PROS1: variants seen among roughly 807,000 people sequenced by gnomAD.
PROS1 encodes protein S.
Under a neutral mutation model 75.9 loss-of-function variants are expected in PROS1, and 29 were observed. That is an observed-to-expected ratio of 0.38 (90% confidence interval 0.28 to 0.52). PROS1 has a LOEUF of 0.52. PROS1 is among the 20% of genes least tolerant of loss of function. The pLI is 0.83. For missense variants in PROS1, 680 were observed against 810.3 expected (o/e 0.84, Z 1.95); for synonymous variants, 245 against 280.6 (o/e 0.87, Z 1.27).
At chr3:93,934,817 A>G (rs965536442) in intron 1 of PROS1, among the ~76,000 whole-genome samples, 1 of 152,182 alleles carries the variant, frequency 6.6e-6, no homozygotes, top group African/African-American at 2.4e-5. Context: ...CCATTCTGGA[A>G]CAGATCATTG....
At chr3:93,903,327 T>C (rs952267755) in intron 6 of PROS1, among the ~76,000 whole-genome samples, 6 of 152,190 alleles carry the variant, frequency 3.9e-5, no homozygotes, top group South Asian at 2.1e-4. Context: ...TATATGTGTA[T>C]TAACTGAGTG....
intron 1 of PROS1, among the ~76,000 whole-genome samples, chr3:93,971,286 T>C (rs1330746872): frequency 1.3e-5 from 2 of 150,670 alleles, no homozygotes; most frequent in Non-Finnish European, 3.0e-5. Context: ...AGGCAGAGGT[T>C]GCAGTGAGCT....
intron 3 of PROS1, chr3:93,911,209 A>G (rs1708754146): frequency 6.3e-6 from 1 of 158,528 alleles, no homozygotes; most frequent in Non-Finnish European, 1.4e-5. Context: ...ATTACAAATC[A>G]GGTTTACTTC....
intron 1 of PROS1, among the ~76,000 whole-genome samples, chr3:93,963,812 C>G (rs1709744668): frequency 6.6e-6 from 1 of 152,064 alleles, no homozygotes; most frequent in African/African-American, 2.4e-5. Flanking sequence ...CATAAGGGAC[C>G]TACCCCCATG....
In PROS1 at chr3:93,897,878, T is replaced by C. The variant is rs1282837736; in HGVS notation, c.849+570A>G. Among the ~76,000 whole-genome samples the C allele has an allele frequency of 6.6e-5, 10 of 152,036 alleles. No homozygotes were observed. In the East Asian group the frequency reaches 7.7e-4, roughly 12 times the overall value. Reference sequence around the variant, plus strand: ...TCAATTATGCATTAAATCTAAGTAATTAAAAGCAAGTTTGAGAGACACAGA... The same window carrying C: ...TCAATTATGCATTAAATCTAAGTAACTAAAAGCAAGTTTGAGAGACACAGA... On this transcript the variant is annotated intron_variant, in intron 8 of 14. Transcript: ENST00000394236.
At chr3:93,935,956 A>T (rs1270827012) in intron 1 of PROS1, among the ~76,000 whole-genome samples, 1 of 133,888 alleles carries the variant, frequency 7.5e-6, no homozygotes, top group African/African-American at 2.6e-5. Flanking sequence ...AGTCCACATT[A>T]AAAAAAAAAA....
chr3:93,878,149 C>A (rs928174629), intron 13 of PROS1, among the ~76,000 whole-genome samples: 19 of 152,062 alleles, frequency 1.2e-4, no homozygotes, highest in African/African-American at 4.3e-4. Context: ...ACATGGCATG[C>A]GTTAACCTCC....
intron 12 of PROS1, among the ~76,000 whole-genome samples, chr3:93,882,502 G>A (rs1024365843): frequency 6.6e-6 from 1 of 152,160 alleles, no homozygotes; most frequent in African/African-American, 2.4e-5. Flanking sequence ...TGAGGTCGCA[G>A]AGCAACAAAC....
At chr3:93,913,270 T>G (rs1559937266) in intron 3 of PROS1, among the ~76,000 whole-genome samples, 1 of 152,140 alleles carries the variant, frequency 6.6e-6, no homozygotes, top group African/African-American at 2.4e-5. Context: ...AAATCTCATT[T>G]TGAATTGTAA....
chr3:93,906,735 C>T (rs946051115), intron 4 of PROS1, among the ~76,000 whole-genome samples: 4 of 152,230 alleles, frequency 2.6e-5, no homozygotes, highest in African/African-American at 9.6e-5. Context: ...CCTGGGGAGG[C>T]CCATTCTGCC....
intron 11 of PROS1, among the ~76,000 whole-genome samples, chr3:93,885,656 AC>A: frequency 6.6e-6 from 1 of 152,328 alleles, no homozygotes; most frequent in Non-Finnish European, 1.5e-5. Flanking sequence ...ACATGTAATA[AC>A]CGTTTCATAA....
intron 1 of PROS1, among the ~76,000 whole-genome samples, chr3:93,950,045 G>A (rs1485194833): frequency 1.3e-5 from 2 of 152,192 alleles, no homozygotes; most frequent in Non-Finnish European, 2.9e-5. Context: ...TCCCGCCCAT[G>A]GCTCGGAGGG....
chr3:93,945,536 T>C (rs1202347302), intron 1 of PROS1, among the ~76,000 whole-genome samples: 2 of 152,170 alleles, frequency 1.3e-5, no homozygotes, highest in Non-Finnish European at 2.9e-5. Context: ...ATCCATCATA[T>C]GAACAGAACT....
chr3:93,963,506 G>T (rs1340488903), intron 1 of PROS1, among the ~76,000 whole-genome samples: 1 of 152,138 alleles, frequency 6.6e-6, no homozygotes, highest in Non-Finnish European at 1.5e-5. Context: ...TAATCTGTCT[G>T]CATCACTACA....
rs555726531 is a variant in PROS1 at position 93,906,574 on chromosome 3, T to C, written c.347-431A>G. Among the ~76,000 whole-genome samples, 12 of 152,302 alleles carry C rather than the reference T, an allele frequency of 7.9e-5. 2 individuals carry two copies. Among genetic ancestry groups the C allele is most frequent in the African/African-American group, 2.9e-4 (12 of 41,584 alleles). ...GGCATCCACTCTGATCTTAGAGGCA[T>C]GGCCAGGGCTGCACGTGCCATGGAG... On this transcript the variant is annotated intron_variant, in intron 4 of 14. Coordinates refer to ENST00000394236, the MANE Select transcript of PROS1 (RefSeq NM_000313.4).
At chr3:93,911,437 T>TA (rs1319732639) in intron 3 of PROS1, among the ~76,000 whole-genome samples, 2 of 152,176 alleles carry the variant, frequency 1.3e-5, no homozygotes, top group Admixed American at 6.5e-5. Flanking sequence ...CAGCTTACTA[T>TA]AAAAAAGATG....
At chr3:93,964,864 A>G (rs1345663609) in intron 1 of PROS1, among the ~76,000 whole-genome samples, 1 of 152,168 alleles carries the variant, frequency 6.6e-6, no homozygotes, top group African/African-American at 2.4e-5. Flanking sequence ...CAGCCAGCCA[A>G]CACTTATGGA....
At chr3:93,926,002 T>A (rs1709011249) in intron 2 of PROS1, among the ~76,000 whole-genome samples, 1 of 152,116 alleles carries the variant, frequency 6.6e-6, no homozygotes, top group African/African-American at 2.4e-5. Context: ...GTCTTCTCCC[T>A]CACTGGGCTT....
intron 1 of PROS1, among the ~76,000 whole-genome samples, chr3:93,965,763 C>T (rs1459115149): frequency 1.3e-5 from 2 of 152,120 alleles, no homozygotes; most frequent in Non-Finnish European, 2.9e-5. Context: ...GGCATGATCT[C>T]GATTCACTGC....
Sources: allele counts gnomAD v4.1 joint callset (sites outside exome capture counted in the v4.1 genomes callset), GRCh38; gene constraint gnomAD v4.1.1; transcripts MANE v1.5; gene names NCBI Gene and HGNC (gene_info 2026-07-23, HGNC 2026-07-21).